RARS2: variants seen among roughly 807,000 people sequenced by gnomAD.
RARS2 encodes the protein probable arginine--tRNA ligase, mitochondrial.
In RARS2, 67 loss-of-function variants were observed where a neutral mutation model predicts 88.5. The observed-to-expected ratio is 0.76, with a 90% CI of 0.62 to 0.93. RARS2 has a LOEUF of 0.93. RARS2 is among the 40% of genes least tolerant of loss of function. RARS2 has a pLI of 0.00. For missense variants in RARS2, 664 were observed against 684.2 expected, an observed-to-expected ratio of 0.97 and a Z score of 0.33; for synonymous variants, 239 against 230.3, an observed-to-expected ratio of 1.04 and a Z score of -0.34.
At chr6:87,570,608 C>T (rs1010297048) in intron 1 of RARS2, among the ~76,000 whole-genome samples, 3 of 151,998 alleles carry the variant, frequency 2.0e-5, no homozygotes, top group East Asian at 1.9e-4. Flanking sequence ...TTAGTAGAGA[C>T]GGGGCCTTGC....
intron 2 of RARS2, among the ~76,000 whole-genome samples, chr6:87,566,575 C>A (rs1418769362): frequency 6.6e-6 from 1 of 152,110 alleles, no homozygotes; most frequent in Non-Finnish European, 1.5e-5. Context: ...GAGCCCAACA[C>A]AGTGGCTCAA....
rs79349594 is a variant in RARS2, at chr6:87,535,089, G to C, written c.613-4147C>G. On this transcript the variant is annotated intron_variant, in intron 8 of 19. Transcript: ENST00000369536. Reference sequence around the variant, plus strand: ...CACTGACTCTTACAAGTGATAGCTGGAATCAGATTTTCTTATCATTTAAAA... The same window carrying C: ...CACTGACTCTTACAAGTGATAGCTGCAATCAGATTTTCTTATCATTTAAAA... Among the ~76,000 whole-genome samples the C allele has an allele frequency of 2.4e-4, 37 of 152,016 alleles. No individual in the cohort carries two copies. The East Asian group carries it at 6.8e-3, about 28-fold the overall frequency.
intron 8 of RARS2, among the ~76,000 whole-genome samples, chr6:87,536,879 A>T (rs537949069): frequency 3.3e-5 from 5 of 152,228 alleles, no homozygotes; most frequent in Non-Finnish European, 7.3e-5. Flanking sequence ...AAAAGTTTCA[A>T]ATGCTTGCCA....
intron 7 of RARS2, among the ~76,000 whole-genome samples, chr6:87,542,305 C>A (rs1219664313): frequency 1.3e-5 from 2 of 152,132 alleles, no homozygotes; most frequent in Non-Finnish European, 2.9e-5. Flanking sequence ...GAACACCACC[C>A]TAGCAGACAT....
At chr6:87,577,198 T>C (rs1771838244) in intron 1 of RARS2, among the ~76,000 whole-genome samples, 1 of 152,170 alleles carries the variant, frequency 6.6e-6, no homozygotes, top group African/African-American at 2.4e-5. Flanking sequence ...TCTTTTGTTG[T>C]TGTTGTTTTC....
rs76836496 is a variant in RARS2 at position 87,516,732 on chromosome 6, T to A, written c.1586+74A>T. 5.3e-4 allele frequency: 847 copies of A among 1,586,028 alleles called. 3 individuals carry two copies. In the Middle Eastern group the frequency reaches 0.013, roughly 24 times the overall value. On this transcript the variant is annotated intron_variant, in intron 18 of 19. Coordinates refer to ENST00000369536, the MANE Select transcript of RARS2 (RefSeq NM_020320.5). ...TCAAATTTTAGGCCAAGGAATTTGTTTACAGGAAACCTTTAGATGAAAGAA... is the reference window on the plus strand; with the variant it reads ...TCAAATTTTAGGCCAAGGAATTTGTATACAGGAAACCTTTAGATGAAAGAA...
intron 7 of RARS2, among the ~76,000 whole-genome samples, chr6:87,544,586 A>C (rs1189875628): frequency 1.3e-5 from 2 of 152,240 alleles, no homozygotes; most frequent in East Asian, 3.8e-4. Context: ...TGTTTCTTAA[A>C]ATACACATGG....
chr6:87,537,938 A>G (rs1029821793), intron 8 of RARS2, among the ~76,000 whole-genome samples: 8 of 152,204 alleles, frequency 5.3e-5, no homozygotes, highest in Non-Finnish European at 1.2e-4. Flanking sequence ...TTGCAGGGCA[A>G]GCAAAGGCAT....
intron 11 of RARS2, among the ~76,000 whole-genome samples, chr6:87,523,111 T>TA (rs1340687241): frequency 2.6e-5 from 4 of 152,074 alleles, no homozygotes; most frequent in Non-Finnish European, 5.9e-5. Flanking sequence ...ATGTCACAAA[T>TA]AGACACCTGT....
chr6:87,514,399 C>T lies in RARS2; in HGVS notation c.*14G>A. On this transcript the variant is annotated 3_prime_UTR_variant, in exon 20 of 20. Coordinates refer to ENST00000369536, the MANE Select transcript of RARS2 (RefSeq NM_020320.5). ...AGAATTCACTTGACATTTTAAAAGC[C>T]ATTTTAATGGAAATTACATCCTACA... The T allele has an allele frequency of 1.3e-6, 2 of 1,557,076 alleles. No homozygotes were observed. Among genetic ancestry groups the T allele is most frequent in the African/African-American group, 2.7e-5 (2 of 73,742 alleles).
chr6:87,534,175 T>G (rs1328285038), intron 8 of RARS2, among the ~76,000 whole-genome samples: 1 of 152,204 alleles, frequency 6.6e-6, no homozygotes, highest in East Asian at 1.9e-4. Flanking sequence ...CATTCAAATG[T>G]GTTTATATAA....
chr6:87,561,682 C>A (rs1045361008), intron 4 of RARS2, among the ~76,000 whole-genome samples: 4 of 152,242 alleles, frequency 2.6e-5, no homozygotes, highest in African/African-American at 9.6e-5. Context: ...TGAGTGCTCA[C>A]TGCTCCAGGA....
intron 9 of RARS2, 68 bp downstream of exon 9, chr6:87,530,716 T>C (rs900831413): frequency 6.4e-7 from 1 of 1,552,506 alleles, no homozygotes; most frequent in Non-Finnish European, 8.9e-7. Flanking sequence ...CACGCAACTT[T>C]ACTATGCAGG....
intron 8 of RARS2, among the ~76,000 whole-genome samples, chr6:87,536,199 A>AT (rs752237481): frequency 2.0e-5 from 3 of 152,210 alleles, no homozygotes; most frequent in Non-Finnish European, 4.4e-5. Context: ...ATACTGTTAG[A>AT]TAATAAAGTC....
intron 10 of RARS2, among the ~76,000 whole-genome samples, chr6:87,528,781 A>T (rs1776552600): frequency 6.6e-6 from 1 of 152,208 alleles, no homozygotes; most frequent in African/African-American, 2.4e-5. Context: ...AAACAGGAGG[A>T]GTAAGTTCTG....
chr6:87,519,218 A>ATATATATATC (rs1772984370), intron 14 of RARS2: 1 of 180,476 alleles, frequency 5.5e-6, no homozygotes, highest in Non-Finnish European at 1.0e-5. Flanking sequence ...GTATATATAT[A>ATATATATATC]TATCTATATA....
At chr6:87,514,586 C>A in intron 19 of RARS2, 87 bp from the exon 20 acceptor site, 1 of 1,193,410 alleles carries the variant, frequency 8.4e-7, no homozygotes, top group South Asian at 1.3e-5. Flanking sequence ...GTTATTCTTT[C>A]TAGTTTAAAG....
chr6:87,541,784 A>G, intron 8 of RARS2, 134 bp downstream of exon 8: 1 of 650,734 alleles, frequency 1.5e-6, no homozygotes, highest in Non-Finnish European at 2.7e-6. Flanking sequence ...AGATTGCACC[A>G]CTGCACTCCA....
chr6:87,537,531 A>T (rs1191962110), intron 8 of RARS2, among the ~76,000 whole-genome samples: 1 of 152,212 alleles, frequency 6.6e-6, no homozygotes, highest in Non-Finnish European at 1.5e-5. Context: ...TATATTCCAC[A>T]AATTATATAT....
Sources: gnomAD v4.1 joint callset for allele counts (sites outside exome capture counted in the v4.1 genomes callset) on GRCh38, gnomAD v4.1.1 for gene constraint, MANE v1.5 for transcripts, NCBI Gene and HGNC (gene_info 2026-07-23, HGNC 2026-07-21) for gene names.